Variants in PTPRN2 observed in about 807,000 individuals in gnomAD.
The protein encoded by PTPRN2 is protein tyrosine phosphatase receptor type N2.
PTPRN2 carries 74 observed loss-of-function variants against 118.8 expected under a neutral mutation model. The observed-to-expected ratio is 0.62, with a 90% CI of 0.52 to 0.76. The LOEUF (loss-of-function observed/expected upper bound fraction) is 0.76, where lower values mean the gene tolerates loss of function less well. PTPRN2 is among the 30% of genes least tolerant of loss of function. The pLI is 0.00. For synonymous variants in PTPRN2, 641 were observed against 608.0 expected, an observed-to-expected ratio of 1.05 and a Z score of -0.80; for missense variants, 1,481 against 1,394.4, an observed-to-expected ratio of 1.06 and a Z score of -0.99.
chr7:158,514,622 C>T (rs1206378900), intron 1 of PTPRN2, among the ~76,000 whole-genome samples: 1 of 152,130 alleles, frequency 6.6e-6, no homozygotes, highest in African/African-American at 2.4e-5. Flanking sequence ...TCAGTGCTCA[C>T]GGGTGCGTCA....
intron 22 of PTPRN2, among the ~76,000 whole-genome samples, chr7:157,541,305 A>G (rs182132376): frequency 1.9e-3 from 283 of 152,286 alleles, no homozygotes; most frequent in African/African-American, 6.5e-3. Context: ...TACTCAGACC[A>G]AACCCACTCC....
rs1563392446 is a variant in PTPRN2, at chr7:158,071,616, G to A, written c.1723+9682C>T. On this transcript the variant is annotated intron_variant, in intron 11 of 22. Transcript: ENST00000389418. ...GGTGCTCCTGGTGGAGGTGCTCGTG[G>A]TGGAGGTGCTCGTGGTGGTGGAGAT... 6.9e-4 allele frequency among the ~76,000 whole-genome samples: 85 copies of A among 123,516 alleles called. 4 individuals carry two copies. Among genetic ancestry groups the A allele is most frequent in the African/African-American group, 2.2e-3 (73 of 32,822 alleles). The allele number at this position is 123,516 out of a possible 152,430, so 81.0% of individuals were successfully genotyped here.
At chr7:158,325,381 T>G (rs1311209791) in intron 2 of PTPRN2, among the ~76,000 whole-genome samples, 2 of 152,196 alleles carry the variant, frequency 1.3e-5, no homozygotes, top group Non-Finnish European at 2.9e-5. Context: ...TTTTTTAACA[T>G]TTCTTATTTA....
At chr7:158,460,296 C>T (rs4588803) in intron 2 of PTPRN2, among the ~76,000 whole-genome samples, 59,860 of 144,138 alleles carry the variant, frequency 0.42, 12,733 homozygotes, top group Non-Finnish European at 0.44. Flanking sequence ...ACTCTATCTA[C>T]AAGTTCCTGC....
intron 11 of PTPRN2, among the ~76,000 whole-genome samples, chr7:157,975,952 G>A (rs1006828480): frequency 2.6e-5 from 4 of 152,176 alleles, no homozygotes; most frequent in Admixed American, 6.5e-5. Flanking sequence ...TGTGGCCGAG[G>A]TGGGGTGTTG....
chr7:158,534,762 C>T (rs955379698), intron 1 of PTPRN2, among the ~76,000 whole-genome samples: 5 of 152,102 alleles, frequency 3.3e-5, no homozygotes, highest in Admixed American at 6.5e-5. Flanking sequence ...CCTCTGAAGA[C>T]GAGACATTCT....
At chr7:158,495,216 G>C (rs373576646) in intron 1 of PTPRN2, among the ~76,000 whole-genome samples, 3 of 152,152 alleles carry the variant, frequency 2.0e-5, no homozygotes, top group Admixed American at 6.5e-5. Flanking sequence ...TGCAGAAAAC[G>C]CTAGGGCTTA....
In PTPRN2 at chr7:157,576,771, C is replaced by A; in HGVS notation, c.2625G>T (p.Leu875=). The A allele has an allele frequency of 6.2e-7, 1 of 1,602,360 alleles. No individual in the cohort carries two copies. Residue 875 remains leucine (L), a synonymous_variant, in exon 19 of 23, where the codon CTG becomes CTT. Coordinates refer to ENST00000389418, the MANE Select transcript of PTPRN2 (RefSeq NM_002847.5). ...CCTCACACCAGATGTGCTCGGAGAC[C>A]AGGTTCACCTGGCAGGGAGGAGCGG... ...SNLYHIYEVN[L]VSEHIWCEDF... is the part of the protein sequence containing the mutation.
chr7:158,316,786 C>T lies in PTPRN2; in HGVS notation c.277+33G>A, dbSNP rs201922303. 7.2e-6 allele frequency: 11 copies of T among 1,527,244 alleles called. No homozygotes were observed. In the East Asian group the frequency reaches 2.3e-4, roughly 32 times the overall value. 94.6% of individuals were successfully genotyped at this position (1,527,244 alleles called of 1,614,324 possible). On this transcript the variant is annotated intron_variant, in intron 3 of 22. Coordinates refer to ENST00000389418, the MANE Select transcript of PTPRN2 (RefSeq NM_002847.5). ...AAGCCCGTGCGGTCGCTCAGTGCGGCAGCCGCCGAGCCTCGGCCCACGCCC... is the reference window on the plus strand; with the variant it reads ...AAGCCCGTGCGGTCGCTCAGTGCGGTAGCCGCCGAGCCTCGGCCCACGCCC...
chr7:157,971,218 T>C (rs1802308091), intron 11 of PTPRN2, among the ~76,000 whole-genome samples: 1 of 152,220 alleles, frequency 6.6e-6, no homozygotes, highest in Non-Finnish European at 1.5e-5. Context: ...GTACTGAATA[T>C]TTTTTGGAAT....
chr7:157,859,998 C>T lies in PTPRN2; in HGVS notation c.1788+38675G>A, dbSNP rs1289244992. 5.3e-5 allele frequency among the ~76,000 whole-genome samples: 8 copies of T among 151,822 alleles called. No homozygotes were observed. In the East Asian group the frequency reaches 1.2e-3, roughly 22 times the overall value. On this transcript the variant is annotated intron_variant, in intron 12 of 22. Coordinates refer to ENST00000389418, the MANE Select transcript of PTPRN2 (RefSeq NM_002847.5). Reference sequence around the variant, plus strand: ...GGGAGAGCCCCGGCCACCACCCACACTCCTGCAGGGAGAGCCCCAGCCACT... The same window carrying T: ...GGGAGAGCCCCGGCCACCACCCACATTCCTGCAGGGAGAGCCCCAGCCACT...
At position 157,881,837 on chromosome 7, in the gene PTPRN2, G is replaced by A. The variant is rs906233611; in HGVS notation, c.1788+16836C>T. 1.3e-5 allele frequency among the ~76,000 whole-genome samples: 2 copies of A among 152,048 alleles called. No individual in the cohort carries two copies. The highest frequency in any genetic ancestry group is 1.3e-4 in the Admixed American group (2 of 15,256). On this transcript the variant is annotated intron_variant, in intron 12 of 22. Transcript: ENST00000389418. This position sits in a 1 kb window ranked among gnomAD's most constrained non-coding sequence, Gnocchi z 4.7. ...AATAGATCCTTTGTTTCACAGGAAT[G>A]AAAGTGAAGGTAAAGTTTGTGCCTG...
chr7:158,242,673 T>C (rs1332941569), intron 3 of PTPRN2, among the ~76,000 whole-genome samples: 1 of 152,218 alleles, frequency 6.6e-6, no homozygotes, highest in Non-Finnish European at 1.5e-5. Flanking sequence ...GGGCATTATT[T>C]TGGCTGAGAC....
At chr7:158,033,740 G>T (rs1439204439) in intron 11 of PTPRN2, among the ~76,000 whole-genome samples, 1 of 149,872 alleles carries the variant, frequency 6.7e-6, no homozygotes, top group African/African-American at 2.5e-5. Flanking sequence ...GACCTCGATA[G>T]AAACTCTGCA....
At chr7:157,795,591 G>A (rs908759112) in intron 12 of PTPRN2, among the ~76,000 whole-genome samples, 7 of 152,232 alleles carry the variant, frequency 4.6e-5, no homozygotes, top group African/African-American at 7.2e-5. Flanking sequence ...CCAAACTAAC[G>A]TTGCTGAGGT....
chr7:158,274,340 C>CCGCAGACACAGG (rs1168822105), intron 3 of PTPRN2, among the ~76,000 whole-genome samples: 3 of 1,950 alleles, frequency 1.5e-3, no homozygotes, highest in African/African-American at 5.5e-3. Context: ...GCCGCAGACG[C>CCGCAGACACAGG]GGGAGAGCCA....
intron 12 of PTPRN2, among the ~76,000 whole-genome samples, 198 bp from the exon 13 acceptor site, chr7:157,683,135 G>A (rs1404634782): frequency 2.0e-5 from 3 of 152,230 alleles, no homozygotes; most frequent in Non-Finnish European, 4.4e-5. Context: ...ATAGCACATC[G>A]CAGATTGCAG....
intron 3 of PTPRN2, among the ~76,000 whole-genome samples, chr7:158,310,081 G>C (rs1290343629): frequency 1.3e-5 from 2 of 152,138 alleles, no homozygotes; most frequent in Non-Finnish European, 2.9e-5. Context: ...AATGTTTGCT[G>C]TTTCAGCCAC....
At chr7:158,139,271 G>C (rs1358403939) in intron 6 of PTPRN2, among the ~76,000 whole-genome samples, 3 of 152,202 alleles carry the variant, frequency 2.0e-5, no homozygotes, top group Non-Finnish European at 4.4e-5. Flanking sequence ...TCAGCAGAGT[G>C]GGGAAATTAA....
Sources: gnomAD v4.1 joint callset for allele counts (sites outside exome capture counted in the v4.1 genomes callset) on GRCh38, gnomAD v4.1.1 for gene constraint, Gnocchi (gnomAD v3.1) non-coding constraint, MANE v1.5 for transcripts, NCBI Gene and HGNC (gene_info 2026-07-23, HGNC 2026-07-21) for gene names.